The following RUFY3 variants were observed in gnomAD, a reference collection of about 807,000 sequenced individuals.
The protein encoded by RUFY3 is RUN and FYVE domain containing 3.
In RUFY3, 34 loss-of-function variants were observed where a neutral mutation model predicts 84.0. That is an observed-to-expected ratio of 0.40 (90% CI 0.31 to 0.54). RUFY3 has a LOEUF of 0.54. Ranked by LOEUF, RUFY3 falls within the 20% of genes least tolerant of loss-of-function variation. The pLI is 0.39. For synonymous variants in RUFY3, 242 were observed against 252.9 expected, an observed-to-expected ratio of 0.96 and a Z score of 0.41; for missense variants, 507 against 736.8, an observed-to-expected ratio of 0.69 and a Z score of 3.61.
intron 1 of RUFY3, among the ~76,000 whole-genome samples, chr4:70,749,136 A>T (rs1045781778): frequency 4.6e-4 from 70 of 152,150 alleles, no homozygotes; most frequent in Non-Finnish European, 1.0e-4. Flanking sequence ...CTATGCAATA[A>T]ATTGAGCAAA....
chr4:70,752,214 G>T (rs542199028), intron 1 of RUFY3, among the ~76,000 whole-genome samples: 1 of 151,864 alleles, frequency 6.6e-6, no homozygotes, highest in Non-Finnish European at 1.5e-5. Context: ...TTTCTTTTTC[G>T]AATTGTTTGT....
chr4:70,718,738 TTTTC>T (rs1293556438), upstream of RUFY3, among the ~76,000 whole-genome samples: 1 of 152,148 alleles, frequency 6.6e-6, no homozygotes, highest in Non-Finnish European at 1.5e-5. Context: ...TCTTTTTTTT[TTTTC>T]TTTGAGACGG....
At chr4:70,751,562 A>G (rs767769672) in intron 1 of RUFY3, among the ~76,000 whole-genome samples, 4 of 152,200 alleles carry the variant, frequency 2.6e-5, no homozygotes, top group Admixed American at 6.5e-5. Flanking sequence ...GCAGAAATGT[A>G]TATTTCAAGC....
intron 14 of RUFY3, among the ~76,000 whole-genome samples, chr4:70,796,219 A>G (rs1241339049): frequency 6.6e-6 from 1 of 152,072 alleles, no homozygotes; most frequent in Non-Finnish European, 1.5e-5. Context: ...AAAAATTAAA[A>G]ACACTCTCAC....
At chr4:70,767,832 C>T (rs540913695) in intron 4 of RUFY3, among the ~76,000 whole-genome samples, 42 of 152,090 alleles carry the variant, frequency 2.8e-4, no homozygotes, top group African/African-American at 9.9e-4. Flanking sequence ...GTGTGCACCA[C>T]CACACCCAGC....
chr4:70,743,703 A>T (rs1392476217), intron 1 of RUFY3, among the ~76,000 whole-genome samples: 1 of 152,156 alleles, frequency 6.6e-6, no homozygotes. Flanking sequence ...TGATTATGTC[A>T]GTACCTTCAT....
intron 1 of RUFY3, among the ~76,000 whole-genome samples, chr4:70,740,137 A>G (rs892549085): frequency 6.6e-6 from 1 of 152,196 alleles, no homozygotes; most frequent in African/African-American, 2.4e-5. Flanking sequence ...ATAGTGACTC[A>G]AAGGACCTTG....
chr4:70,774,644 A>AAT (rs1553916772), intron 6 of RUFY3, among the ~76,000 whole-genome samples: 5,705 of 55,952 alleles, frequency 0.1, 497 homozygotes, highest in Non-Finnish European at 0.13. Context: ...AAAAAAAAAA[A>AAT]ATATATATAT....
chr4:70,806,665 G>A lies in RUFY3; in HGVS notation c.*6G>A, dbSNP rs1732887321. ...ATTCTACCAGCCCATCATAAGACTG[G>A]AGGCCAAGACCTGGACCAAAACGTT... On this transcript the variant is annotated 3_prime_UTR_variant, in exon 18 of 18. Coordinates refer to ENST00000381006, the MANE Select transcript of RUFY3 (RefSeq NM_001037442.4). 1 of 1,613,844 alleles carries A rather than the reference G, an allele frequency of 6.2e-7. No homozygotes were observed. The highest frequency in any genetic ancestry group is 8.5e-7 in the Non-Finnish European group (1 of 1,179,934).
chr4:70,794,357 T>A (rs1374691390), intron 13 of RUFY3, among the ~76,000 whole-genome samples: 1 of 152,042 alleles, frequency 6.6e-6, no homozygotes, highest in African/African-American at 2.4e-5. Flanking sequence ...AAGGCAGGTG[T>A]ATCACCTGAG....
chr4:70,749,808 C>T (rs903402226), intron 1 of RUFY3, among the ~76,000 whole-genome samples: 9 of 151,766 alleles, frequency 5.9e-5, no homozygotes, highest in Non-Finnish European at 8.8e-5. Context: ...CACCACCACA[C>T]CCAGCTAATT....
At chr4:70,740,666 T>C (rs1282950388) in intron 1 of RUFY3, among the ~76,000 whole-genome samples, 1 of 152,190 alleles carries the variant, frequency 6.6e-6, no homozygotes, top group Non-Finnish European at 1.5e-5. Context: ...ATAATATAGA[T>C]TTGTGGCACA....
intron 14 of RUFY3, among the ~76,000 whole-genome samples, chr4:70,795,593 A>G (rs951910063): frequency 3.9e-5 from 6 of 152,184 alleles, no homozygotes; most frequent in Admixed American, 2.0e-4. Context: ...GTGTGTACAT[A>G]TTATACAAGG....
chr4:70,762,187 C>T (rs1245636205), intron 1 of RUFY3, among the ~76,000 whole-genome samples: 2 of 152,116 alleles, frequency 1.3e-5, no homozygotes, highest in African/African-American at 2.4e-5. Context: ...TGATGGCGTG[C>T]GCCTATAGTT....
At chr4:70,736,003 G>A (rs1720219698) in intron 1 of RUFY3, among the ~76,000 whole-genome samples, 1 of 151,770 alleles carries the variant, frequency 6.6e-6, no homozygotes, top group Admixed American at 6.6e-5. Context: ...AAAATTAGCT[G>A]GGTGTGGTGG....
chr4:70,741,736 A>G (rs1719283680), intron 1 of RUFY3: 2 of 1,299,296 alleles, frequency 1.5e-6, no homozygotes, highest in African/African-American at 1.5e-5. Flanking sequence ...AAAATTTTCT[A>G]ACCACCTTTT....
At chr4:70,716,671 C>T (rs1234087341) in intron 1 of RUFY3, among the ~76,000 whole-genome samples, 1 of 151,574 alleles carries the variant, frequency 6.6e-6, no homozygotes, top group Non-Finnish European at 1.5e-5. Flanking sequence ...TGGTGAAACC[C>T]CATCTCTACT....
At chr4:70,788,404 A>G (rs937842007) in intron 10 of RUFY3, among the ~76,000 whole-genome samples, 18 of 152,238 alleles carry the variant, frequency 1.2e-4, no homozygotes, top group African/African-American at 4.1e-4. Flanking sequence ...GAATATATCA[A>G]CAACATTCAC....
At chr4:70,758,883 C>T (rs912383217) in intron 1 of RUFY3, among the ~76,000 whole-genome samples, 1 of 151,916 alleles carries the variant, frequency 6.6e-6, no homozygotes, top group African/African-American at 2.4e-5. Context: ...ACTAAAAATA[C>T]AAAAAATTAG....
Sources: gnomAD v4.1 joint callset for allele counts (sites outside exome capture counted in the v4.1 genomes callset) on GRCh38, gnomAD v4.1.1 for gene constraint, MANE v1.5 for transcripts, NCBI Gene and HGNC (gene_info 2026-07-23, HGNC 2026-07-21) for gene names.